Variants in CSMD1 observed in about 807,000 individuals in gnomAD.
CSMD1 encodes the protein CUB and Sushi multiple domains 1.
In CSMD1, 213 loss-of-function variants were observed where a neutral mutation model predicts 417.5. The observed-to-expected ratio is 0.51, with a 90% CI of 0.46 to 0.57. The LOEUF is 0.57. Among genes scored for constraint, CSMD1 ranks in the 20% least tolerant of loss-of-function variants. CSMD1 has a pLI of 0.00. For missense variants in CSMD1, 6,923 were observed against 4,529.7 expected (o/e 1.53, Z -15.17); for synonymous variants, 2,862 against 1,736.8 (o/e 1.65, Z -16.11).
chr8:3,390,579 CAG>C (rs1244613933), intron 17 of CSMD1, among the ~76,000 whole-genome samples: 1 of 151,928 alleles, frequency 6.6e-6, no homozygotes, highest in East Asian at 1.9e-4. Context: ...CGTGTATATT[CAG>C]AGTCTGTTCC....
At position 3,616,683 on chromosome 8, in the gene CSMD1, T is replaced by C; in HGVS notation, c.1097+27A>G. 1.4e-6 allele frequency: 2 copies of C among 1,422,564 alleles called. 1 individual carries two copies. Among genetic ancestry groups the C allele is most frequent in the Middle Eastern group, 3.5e-4 (2 of 5,652 alleles). 88.1% of individuals were successfully genotyped at this position (1,422,564 alleles called of 1,614,324 possible). ...ATATATGTCTTAAAAATAACATGCT[T>C]TTTTCCACCACTATTGTATCTCTTA... On this transcript the variant is annotated intron_variant, in intron 8 of 69. Transcript: ENST00000635120.
chr8:3,256,752 A>G (rs1307870542), intron 26 of CSMD1, among the ~76,000 whole-genome samples: 1 of 152,212 alleles, frequency 6.6e-6, no homozygotes, highest in Non-Finnish European at 1.5e-5. Flanking sequence ...ATCCTGACTC[A>G]GAAAAGGGAC....
intron 30 of CSMD1, among the ~76,000 whole-genome samples, chr8:3,205,971 C>A (rs1299120069): frequency 1.3e-5 from 2 of 152,058 alleles, no homozygotes; most frequent in African/African-American, 2.4e-5. Context: ...GAAGTCAATC[C>A]TCATATTAAC....
chr8:4,174,607 T>C (rs1001338766), intron 3 of CSMD1, among the ~76,000 whole-genome samples: 2 of 149,330 alleles, frequency 1.3e-5, no homozygotes, highest in African/African-American at 5.0e-5. Context: ...GAAGCCTCTT[T>C]TATAATAATT....
intron 3 of CSMD1, among the ~76,000 whole-genome samples, chr8:4,290,857 G>C (rs1285242285): frequency 6.6e-6 from 1 of 152,096 alleles, no homozygotes; most frequent in Non-Finnish European, 1.5e-5. Context: ...ATATCCATCT[G>C]TTTCTTGTGA....
intron 2 of CSMD1, among the ~76,000 whole-genome samples, chr8:4,592,699 T>C (rs574066587): frequency 6.6e-6 from 1 of 152,160 alleles, no homozygotes; most frequent in Non-Finnish European, 1.5e-5. Context: ...TTTTCCTTAT[T>C]TTTGATGACA....
At chr8:4,572,963 C>A (rs1798958727) in intron 2 of CSMD1, among the ~76,000 whole-genome samples, 1 of 152,118 alleles carries the variant, frequency 6.6e-6, no homozygotes, top group South Asian at 2.1e-4. Flanking sequence ...TTTTTCAGCT[C>A]CATCAGGTCA....
In CSMD1 at chr8:3,411,906, A is replaced by ATATG. The variant is rs1352044536; in HGVS notation, c.1562-2302_1562-2301insCATA. 3.5e-4 allele frequency among the ~76,000 whole-genome samples: 13 copies of ATATG among 36,828 alleles called. 3 individuals are homozygous for ATATG. The highest frequency in any genetic ancestry group is 8.5e-4 in the South Asian group (1 of 1,174). The allele number at this position is 36,828 out of a possible 152,430, so 24.2% of individuals were successfully genotyped here. ...TACACGTATATATGCACGTATATAT[A>ATATG]CACGTATATATGCACGTATATATAC... On this transcript the variant is annotated intron_variant, in intron 12 of 69. Transcript: ENST00000635120.
chr8:3,381,143 G>A (rs1041162746), intron 18 of CSMD1, among the ~76,000 whole-genome samples: 7 of 151,870 alleles, frequency 4.6e-5, no homozygotes, highest in African/African-American at 1.2e-4. Context: ...AACAGGGTGC[G>A]TTCACCCATC....
intron 25 of CSMD1, among the ~76,000 whole-genome samples, chr8:3,295,198 C>A (rs1803877372): frequency 6.6e-6 from 1 of 151,968 alleles, no homozygotes; most frequent in Non-Finnish European, 1.5e-5. Context: ...GATCTTGGCT[C>A]ACTGGAAGCT....
At chr8:3,824,135 T>C (rs931746892) in intron 5 of CSMD1, among the ~76,000 whole-genome samples, 4 of 152,160 alleles carry the variant, frequency 2.6e-5, no homozygotes, top group African/African-American at 9.7e-5. Context: ...AAATATCTCA[T>C]TCACCAGCCG....
At chr8:3,630,196 C>T (rs1475940122) in intron 7 of CSMD1, among the ~76,000 whole-genome samples, 2 of 152,130 alleles carry the variant, frequency 1.3e-5, no homozygotes, top group East Asian at 1.9e-4. Flanking sequence ...TCCGTCAGCT[C>T]CTGGGAGGGA....
At chr8:4,397,226 T>G (rs1361960233) in intron 3 of CSMD1, among the ~76,000 whole-genome samples, 1 of 152,068 alleles carries the variant, frequency 6.6e-6, no homozygotes, top group African/African-American at 2.4e-5. Flanking sequence ...ACAGCTCCCT[T>G]CTGTTTATTT....
chr8:3,521,438 G>A (rs991671925), intron 10 of CSMD1, among the ~76,000 whole-genome samples: 2 of 152,102 alleles, frequency 1.3e-5, no homozygotes, highest in African/African-American at 2.4e-5. Context: ...AGCAAGCTAG[G>A]AAGCTCACTG....
intron 2 of CSMD1, among the ~76,000 whole-genome samples, chr8:4,467,881 C>T (rs1378610170): frequency 1.3e-5 from 2 of 152,148 alleles, no homozygotes; most frequent in African/African-American, 2.4e-5. Context: ...AAAACAGAAT[C>T]ATCTAGTGGG....
intron 5 of CSMD1, among the ~76,000 whole-genome samples, chr8:3,853,329 T>A (rs1804044725): frequency 6.6e-6 from 1 of 152,234 alleles, no homozygotes; most frequent in African/African-American, 2.4e-5. Flanking sequence ...ACACTTATTA[T>A]TTCATAACAT....
chr8:3,030,771 C>T (rs541125594), intron 50 of CSMD1, among the ~76,000 whole-genome samples: 6 of 152,036 alleles, frequency 3.9e-5, no homozygotes, highest in Non-Finnish European at 1.5e-5. Context: ...AGGAATCAGC[C>T]ACTACACCAA....
intron 3 of CSMD1, among the ~76,000 whole-genome samples, chr8:4,128,180 T>C (rs1047607002): frequency 6.6e-6 from 1 of 151,394 alleles, no homozygotes; most frequent in African/African-American, 2.4e-5. Context: ...CGGGGACCCC[T>C]GCGGAAAAAG....
intron 5 of CSMD1, among the ~76,000 whole-genome samples, chr8:3,935,911 C>T (rs939446280): frequency 2.4e-4 from 36 of 152,118 alleles, no homozygotes; most frequent in African/African-American, 7.2e-4. Context: ...AGGCTGAAAA[C>T]TAAGCCTCCT....
Sources: gnomAD v4.1 joint callset for allele counts (sites outside exome capture counted in the v4.1 genomes callset) on GRCh38, gnomAD v4.1.1 for gene constraint, MANE v1.5 for transcripts, NCBI Gene and HGNC (gene_info 2026-07-23, HGNC 2026-07-21) for gene names.